Variants in PROS1 observed in about 807,000 individuals in gnomAD.
PROS1 encodes the protein protein S, also known as vitamin K-dependent protein S.
In PROS1, 29 loss-of-function variants were observed where a neutral mutation model predicts 75.9. The ratio of observed to expected loss-of-function variants is 0.38; its 90% CI spans 0.28 to 0.52. PROS1 has a LOEUF of 0.52. PROS1 is among the 20% of genes least tolerant of loss of function. The probability of loss-of-function intolerance (pLI) is 0.83; values close to 1 mark genes in which losing one functional copy is unlikely to be tolerated. For missense variants in PROS1, 680 were observed against 810.3 expected (o/e 0.84, Z 1.95); for synonymous variants, 245 against 280.6 (o/e 0.87, Z 1.27).
At chr3:93,942,386 G>C (rs1175575878) in intron 1 of PROS1, among the ~76,000 whole-genome samples, 1 of 152,144 alleles carries the variant, frequency 6.6e-6, no homozygotes, top group African/African-American at 2.4e-5. Context: ...CATCATTAAT[G>C]CCTCTTTAAT....
chr3:93,908,254 T>G (rs1417461230), intron 4 of PROS1, among the ~76,000 whole-genome samples: 1 of 152,176 alleles, frequency 6.6e-6, no homozygotes, highest in Non-Finnish European at 1.5e-5. Context: ...AATAATGGTT[T>G]TTCAAATATT....
chr3:93,959,737 A>G (rs1252683681), intron 1 of PROS1, among the ~76,000 whole-genome samples: 2 of 152,244 alleles, frequency 1.3e-5, no homozygotes, highest in Non-Finnish European at 2.9e-5. Flanking sequence ...CTGGAATAGC[A>G]AAGTTATAGA....
rs558211174 is a variant in PROS1, at chr3:93,900,821, T to G, written c.710A>C (p.Lys237Thr). 2.5e-5 allele frequency: 41 copies of G among 1,613,336 alleles called. No homozygotes were observed. In the South Asian group the frequency reaches 4.3e-4, roughly 17 times the overall value. The change falls in exon 7 of 15, where the codon AAA (lysine) becomes ACA (threonine). Residue 237 changes from lysine (K) to threonine (T), a missense_variant. Transcript: ENST00000394236. Reference sequence around the variant, plus strand: ...CATCCTACCTTCACAAGACTTTGATTTGAGATTATATCTGTAGCCTTCGGG... The same window carrying G: ...CATCCTACCTTCACAAGACTTTGATGTGAGATTATATCTGTAGCCTTCGGG... Reference protein sequence around the residue: ...ECPEGYRYNLKSKSCEDIDEC... With the variant: ...ECPEGYRYNLTSKSCEDIDEC...
intron 3 of PROS1, among the ~76,000 whole-genome samples, chr3:93,921,483 C>G (rs1227864889): frequency 6.6e-6 from 1 of 152,046 alleles, no homozygotes. Flanking sequence ...TGGAAGAGTT[C>G]ATTTGTAAAA....
intron 3 of PROS1, among the ~76,000 whole-genome samples, chr3:93,918,562 A>G (rs1269166713): frequency 6.6e-6 from 1 of 152,104 alleles, no homozygotes; most frequent in Admixed American, 6.6e-5. Context: ...CATCAGAAGG[A>G]ACAAACTCCT....
At chr3:93,909,724 A>G (rs747919228) in intron 4 of PROS1, among the ~76,000 whole-genome samples, 20 of 152,172 alleles carry the variant, frequency 1.3e-4, no homozygotes, top group Non-Finnish European at 2.6e-4. Context: ...ATGTTAGCCA[A>G]AGAAAATTTT....
Position 93,934,274 on chromosome 3 carries a change from C to T in PROS1, c.77-6867G>A, listed in dbSNP as rs540088204. On this transcript the variant is annotated intron_variant, in intron 1 of 14. Transcript: ENST00000394236. The stretch of plus-strand genomic sequence containing the variant: ...TTCAAAAATGTATTTAAAATAATTA[C>T]ATTAACTATAAAATACTTCAGTTAT... 2.0e-5 allele frequency among the ~76,000 whole-genome samples: 3 copies of T among 151,604 alleles called. No homozygotes were observed. In the East Asian group the frequency reaches 5.8e-4, roughly 29 times the overall value.
chr3:93,927,208 A>G (rs750479048), intron 2 of PROS1, 42 bp downstream of exon 2: 1 of 1,610,000 alleles, frequency 6.2e-7, no homozygotes, highest in South Asian at 1.1e-5. Flanking sequence ...CTGTAGTTGT[A>G]TGTCTAGATG....
At chr3:93,946,403 C>T (rs1218743219) in intron 1 of PROS1, among the ~76,000 whole-genome samples, 1 of 152,150 alleles carries the variant, frequency 6.6e-6, no homozygotes, top group Admixed American at 6.6e-5. Context: ...TGACTTCAAA[C>T]TATATTAAAA....
chr3:93,909,770 G>A (rs999651910), intron 4 of PROS1, among the ~76,000 whole-genome samples: 21 of 152,114 alleles, frequency 1.4e-4, no homozygotes, highest in South Asian at 2.1e-4. Flanking sequence ...CCTAGCTAAC[G>A]CCTAATTAAT....
chr3:93,888,965 C>T (rs1708389335), intron 10 of PROS1, among the ~76,000 whole-genome samples: 2 of 152,194 alleles, frequency 1.3e-5, no homozygotes, highest in Admixed American at 1.3e-4. Flanking sequence ...TTTCTAACCT[C>T]ATTTTCTAAC....
rs188462739 is a variant in PROS1, at chr3:93,939,808, T to A, written c.77-12401A>T. ...CGTCTTATTCTCAATAAGCATTTTA[T>A]TACCCAATCCGCTCCCGACATTAGA... On this transcript the variant is annotated intron_variant, in intron 1 of 14. Coordinates refer to ENST00000394236, the MANE Select transcript of PROS1 (RefSeq NM_000313.4). Among the ~76,000 whole-genome samples the A allele has an allele frequency of 8.5e-5, 13 of 152,268 alleles. No homozygotes were observed. The East Asian group carries it at 2.3e-3, about 27-fold the overall frequency.
intron 13 of PROS1, among the ~76,000 whole-genome samples, chr3:93,877,965 T>C (rs150958928): frequency 3.6e-4 from 55 of 152,314 alleles, no homozygotes; most frequent in Non-Finnish European, 7.1e-4. Context: ...GTGTTGTACA[T>C]GTCCGTATCC....
intron 3 of PROS1, among the ~76,000 whole-genome samples, chr3:93,919,617 C>T (rs1490486295): frequency 2.6e-5 from 4 of 151,912 alleles, no homozygotes; most frequent in Admixed American, 6.6e-5. Context: ...TGTTATAATC[C>T]AATTTATTAT....
Position 93,906,059 on chromosome 3 carries a change from G to A in PROS1, c.431C>T (p.Thr144Ile), listed in dbSNP as rs146366248. Reference sequence around the variant, plus strand: ...TTCTCCTTGCCAACCTGGTTTACAAGTGCAAGTAAAAGAAGCTTTTCCATC... The same window carrying A: ...TTCTCCTTGCCAACCTGGTTTACAAATGCAAGTAAAAGAAGCTTTTCCATC... ...CKDGKASFTC[T>I]CKPGWQGEKC... The change falls in exon 5 of 15, where the codon ACT (threonine) becomes ATT (isoleucine). Residue 144 changes from threonine (T) to isoleucine (I), a missense_variant. Transcript: ENST00000394236. 2 of 1,614,104 alleles carry A rather than the reference G, an allele frequency of 1.2e-6. No individual in the cohort carries two copies. The highest frequency in any genetic ancestry group is 1.7e-5 in the Admixed American group (1 of 60,016).
chr3:93,879,341 T>A (rs1708241896), intron 12 of PROS1, 27 bp from the exon 13 acceptor site: 1 of 1,611,502 alleles, frequency 6.2e-7, no homozygotes, highest in African/African-American at 1.3e-5. Context: ...AACAGAAGCA[T>A]GATCAATGCA....
chr3:93,927,394 T>A lies in PROS1; in HGVS notation c.90A>T (p.Gln30His). The change falls in exon 2 of 15, where the codon CAA (glutamine) becomes CAT (histidine). Residue 30 changes from glutamine (Q) to histidine (H), a missense_variant. Coordinates refer to ENST00000394236, the MANE Select transcript of PROS1 (RefSeq NM_000313.4). Reference sequence around the variant, plus strand: ...TCCTAACCAGGACTTGTGAAGCCTGTTGCTTTGACAAAACTGAAGGAAACA... The same window carrying A: ...TCCTAACCAGGACTTGTGAAGCCTGATGCTTTGACAAAACTGAAGGAAACA... ...PVSEANFLSK[Q>H]QASQVLVRKR... 1 of 1,614,128 alleles carries A rather than the reference T, an allele frequency of 6.2e-7. No individual in the cohort carries two copies. Among genetic ancestry groups the A allele is most frequent in the Non-Finnish European group, 8.5e-7 (1 of 1,180,018 alleles).
chr3:93,948,956 A>T (rs1709447942), intron 1 of PROS1, among the ~76,000 whole-genome samples: 1 of 152,154 alleles, frequency 6.6e-6, no homozygotes, highest in Admixed American at 6.6e-5. Context: ...CATTTTTCAG[A>T]TATTAAAAAT....
intron 4 of PROS1, among the ~76,000 whole-genome samples, chr3:93,909,957 G>A (rs79482906): frequency 0.016 from 2,413 of 151,996 alleles, 77 homozygotes; most frequent in African/African-American, 0.055. Context: ...TTAAATATAC[G>A]TATTCAGACA....
Sources: gnomAD v4.1 joint callset for allele counts (sites outside exome capture counted in the v4.1 genomes callset) on GRCh38, gnomAD v4.1.1 for gene constraint, MANE v1.5 for transcripts, NCBI Gene and HGNC (gene_info 2026-07-23, HGNC 2026-07-21) for gene names.